SRC: variants seen among roughly 807,000 people sequenced by gnomAD.
SRC encodes the protein SRC proto-oncogene, non-receptor tyrosine kinase.
SRC carries 13 observed loss-of-function variants against 62.9 expected under a neutral mutation model. That is an observed-to-expected ratio of 0.21 (90% CI 0.13 to 0.33). The LOEUF is 0.33. Ranked by LOEUF, SRC falls within the 10% of genes least tolerant of loss-of-function variation. The probability of loss-of-function intolerance (pLI) is 1.00; values close to 1 mark genes in which losing one functional copy is unlikely to be tolerated. For missense variants in SRC, 457 were observed against 737.3 expected, an observed-to-expected ratio of 0.62 and a Z score of 4.40; for synonymous variants, 302 against 317.5, an observed-to-expected ratio of 0.95 and a Z score of 0.52.
chr20:37,399,058 A>T (rs1451105937), intron 9 of SRC, among the ~76,000 whole-genome samples: 3 of 152,220 alleles, frequency 2.0e-5, no homozygotes, highest in Non-Finnish European at 4.4e-5. Flanking sequence ...CCACAGTTAG[A>T]AAAGCAGATA....
Position 37,405,493 on chromosome 20 carries a change from C to T in SRC, c.*2114C>T, listed in dbSNP as rs2070815984. ...GGGCGGAATGCGAGAACAAACTACC[C>T]CTTGAGGGGTCTTTGGGCAGCACTA... On this transcript the variant is annotated 3_prime_UTR_variant, in exon 14 of 14. Coordinates refer to ENST00000373578, the MANE Select transcript of SRC (RefSeq NM_198291.3). 1 of 181,704 alleles carries T rather than the reference C, an allele frequency of 5.5e-6. No individual in the cohort carries two copies. Among genetic ancestry groups the T allele is most frequent in the African/African-American group, 2.4e-5 (1 of 42,444 alleles). The allele number at this position is 181,704 out of a possible 1,614,324, so 11.3% of individuals were successfully genotyped here.
rs192792138 is a variant in SRC, at chr20:37,347,477, G to A, written c.-247+1222G>A. Among the ~76,000 whole-genome samples the A allele has an allele frequency of 1.2e-3, 176 of 152,358 alleles. 1 individual carries two copies. Among genetic ancestry groups the A allele is most frequent in the African/African-American group, 4.1e-3 (169 of 41,580 alleles). On this transcript the variant is annotated intron_variant, in intron 1 of 13. Coordinates refer to ENST00000373578, the MANE Select transcript of SRC (RefSeq NM_198291.3). ...GCTTCTGCAGGTAGAGGCTTGGCGT[G>A]TAGTAGATGCTCAATAAATGAATTG...
rs2070409442 is a variant in SRC, at chr20:37,384,215, C to T, written c.62C>T (p.Ala21Val). 1.9e-6 allele frequency: 3 copies of T among 1,595,872 alleles called. No individual in the cohort carries two copies. The highest frequency in any genetic ancestry group is 4.6e-5 in the East Asian group (2 of 43,166). ...ASQRRRSLEP[A>V]ENVHGAGGGA... Reference sequence around the variant, plus strand: ...CAGCGGCGCCGCAGCCTGGAGCCCGCCGAGAACGTGCACGGCGCTGGCGGG... The same window carrying T: ...CAGCGGCGCCGCAGCCTGGAGCCCGTCGAGAACGTGCACGGCGCTGGCGGG... The change falls in exon 4 of 14, where the codon GCC becomes GTC. Residue 21 changes from alanine (A) to valine (V), a missense_variant. Ala to Val is a moderately conservative substitution (Grantham distance 64). Coordinates refer to ENST00000373578, the MANE Select transcript of SRC (RefSeq NM_198291.3). The surrounding 1 kb of genome is among the most constrained non-coding windows in gnomAD (Gnocchi z 6.7).
In SRC at chr20:37,403,442, G is replaced by C; in HGVS notation, c.*63G>C. ...CTGGGCTGGGTGGCCCCTGTCTCGG[G>C]GCTTGCCCCACTCTGCCTGCCTGCT... is the stretch of plus-strand genomic sequence containing the variant. On this transcript the variant is annotated 3_prime_UTR_variant, in exon 14 of 14. Coordinates refer to ENST00000373578, the MANE Select transcript of SRC (RefSeq NM_198291.3). This position sits in a 1 kb window ranked among gnomAD's most constrained non-coding sequence, Gnocchi z 7.1. 6.7e-7 allele frequency: 1 copy of C among 1,491,002 alleles called. No individual in the cohort carries two copies. The highest frequency in any genetic ancestry group is 9.0e-7 in the Non-Finnish European group (1 of 1,111,936). 92.4% of individuals were successfully genotyped at this position (1,491,002 alleles called of 1,614,324 possible).
At chr20:37,358,249 C>T (rs1229234347) in intron 1 of SRC, among the ~76,000 whole-genome samples, 7 of 152,148 alleles carry the variant, frequency 4.6e-5, no homozygotes, top group South Asian at 2.1e-4. Flanking sequence ...GGATTTTGAT[C>T]GCTGTTGTTT....
chr20:37,389,473 T>C (rs1696823813), intron 5 of SRC, among the ~76,000 whole-genome samples: 1 of 152,178 alleles, frequency 6.6e-6, no homozygotes, highest in Non-Finnish European at 1.5e-5. Context: ...AGACCTGTGC[T>C]GGCTTCACCC....
rs570550700 is a variant in SRC at position 37,360,181 on chromosome 20, A to AAAAAT, written c.-246-5022_-246-5018dup. Among the ~76,000 whole-genome samples, 92 of 151,308 alleles carry AAAAAT rather than the reference A, an allele frequency of 6.1e-4. 2 individuals carry two copies. The South Asian group carries it at 0.019, about 31-fold the overall frequency. On this transcript the variant is annotated intron_variant, in intron 1 of 13. Transcript: ENST00000373578. ...TAGCCATAAAACTAAAGTCCATGTA[A>AAAAAT]AAAATGTGAACAATTTCTTTCTCTT...
chr20:37,392,569 G>A (rs1184618314), intron 5 of SRC, among the ~76,000 whole-genome samples: 2 of 152,164 alleles, frequency 1.3e-5, no homozygotes, highest in East Asian at 1.9e-4. Flanking sequence ...ATTGAGAAGA[G>A]CCCAGCAAGC....
chr20:37,361,846 G>A (rs983052777), intron 1 of SRC, among the ~76,000 whole-genome samples: 4 of 46,404 alleles, frequency 8.6e-5, no homozygotes, highest in Non-Finnish European at 1.6e-4. Flanking sequence ...TAGAGATGCC[G>A]GGGTCTCTGT....
intron 1 of SRC, among the ~76,000 whole-genome samples, chr20:37,364,718 G>T (rs375134585): frequency 6.6e-6 from 1 of 152,046 alleles, no homozygotes; most frequent in African/African-American, 2.4e-5. Context: ...TTCCTCCCTC[G>T]GCCAGCCCAG....
At chr20:37,349,429 G>A (rs2069769299) in intron 1 of SRC, among the ~76,000 whole-genome samples, 2 of 152,186 alleles carry the variant, frequency 1.3e-5, no homozygotes. Context: ...GACAGGCCTG[G>A]GTTTATGTTC....
Position 37,371,283 on chromosome 20 carries a change from C to T in SRC, c.-173+6006C>T, listed in dbSNP as rs570326981. ...TGCTGGGATTACAGGCGTGAGCCAC[C>T]GTGCCCAGCCTATTTCTTCTTATTT... On this transcript the variant is annotated intron_variant, in intron 2 of 13. Coordinates refer to ENST00000373578, the MANE Select transcript of SRC (RefSeq NM_198291.3). 1.9e-3 allele frequency among the ~76,000 whole-genome samples: 294 copies of T among 152,242 alleles called. 1 individual carries two copies. Among genetic ancestry groups the T allele is most frequent in the African/African-American group, 6.6e-3 (273 of 41,562 alleles).
At chr20:37,349,228 G>C (rs565657232) in intron 1 of SRC, among the ~76,000 whole-genome samples, 1 of 152,234 alleles carries the variant, frequency 6.6e-6, no homozygotes, top group Non-Finnish European at 1.5e-5. Flanking sequence ...CAGGTCTCAA[G>C]AGGAGCGGGT....
Position 37,396,993 on chromosome 20 carries a change from G to A in SRC, c.703+682G>A, listed in dbSNP as rs1047168501. On this transcript the variant is annotated intron_variant, in intron 8 of 13. Transcript: ENST00000373578. The surrounding 1 kb of genome is among the most constrained non-coding windows in gnomAD (Gnocchi z 6.1). ...ATCACCCGCCACTCTCTGTCTCTTC[G>A]GCCACCGCTGTGTAGCTCATTCTGA... Among the ~76,000 whole-genome samples the A allele has an allele frequency of 3.9e-5, 6 of 151,968 alleles. No individual in the cohort carries two copies. Among genetic ancestry groups the A allele is most frequent in the Non-Finnish European group, 7.4e-5 (5 of 67,982 alleles).
intron 1 of SRC, among the ~76,000 whole-genome samples, chr20:37,359,667 T>C (rs1272943073): frequency 6.6e-6 from 1 of 151,602 alleles, no homozygotes; most frequent in African/African-American, 2.4e-5. Context: ...AGGGGAAGAA[T>C]GGAGAGAGGA....
rs2070818764 is a variant in SRC at position 37,405,736 on chromosome 20, A to T, written c.*2357A>T. Reference sequence around the variant, plus strand: ...ACATTGGGGAGTGGGTGGGGCTGTCAAGCCTGCCTAGAGGAGATCACAAAT... The same window carrying T: ...ACATTGGGGAGTGGGTGGGGCTGTCTAGCCTGCCTAGAGGAGATCACAAAT... On this transcript the variant is annotated 3_prime_UTR_variant, in exon 14 of 14. Coordinates refer to ENST00000373578, the MANE Select transcript of SRC (RefSeq NM_198291.3). 1 of 153,208 alleles carries T rather than the reference A, an allele frequency of 6.5e-6. No homozygotes were observed. Among genetic ancestry groups the T allele is most frequent in the Non-Finnish European group, 1.5e-5 (1 of 68,612 alleles). 9.5% of individuals were successfully genotyped at this position (153,208 alleles called of 1,614,324 possible). A position where few individuals can be genotyped will look rare whatever the true frequency, so the allele number is the denominator to read the frequency against.
rs1358625311 is a variant in SRC, at chr20:37,381,490, C to G, written c.-172-1129C>G. ...TTTTATTCTAAAGAAAATTCAGGCT[C>G]TTAGATAGTTCTTCCTCCATAAAAA... is the stretch of plus-strand genomic sequence containing the variant. On this transcript the variant is annotated intron_variant, in intron 2 of 13. Coordinates refer to ENST00000373578, the MANE Select transcript of SRC (RefSeq NM_198291.3). Among the ~76,000 whole-genome samples, 4 of 152,186 alleles carry G rather than the reference C, an allele frequency of 2.6e-5. No individual in the cohort carries two copies. The East Asian group carries it at 7.7e-4, about 29-fold the overall frequency.
chr20:37,364,524 T>G (rs996858854), intron 1 of SRC, among the ~76,000 whole-genome samples: 23 of 152,222 alleles, frequency 1.5e-4, no homozygotes, highest in Admixed American at 5.9e-4. Flanking sequence ...CCCTCTGGAC[T>G]TTCTCTTCTC....
At position 37,402,789 on chromosome 20, in the gene SRC, C is replaced by T; in HGVS notation, c.1311C>T (p.Ala437=). ...FPIKWTAPEA[A]LYGRFTIKSD... ...TCAAGTGGACGGCTCCAGAAGCTGCCCTCTATGGCCGCTTCACCATCAAGT... is the reference window on the plus strand; with the variant it reads ...TCAAGTGGACGGCTCCAGAAGCTGCTCTCTATGGCCGCTTCACCATCAAGT... The change falls in exon 13 of 14, where the codon GCC becomes GCT. Residue 437 remains alanine (A), a synonymous_variant. Transcript: ENST00000373578. This position sits in a 1 kb window ranked among gnomAD's most constrained non-coding sequence, Gnocchi z 6.2. 1.2e-6 allele frequency: 2 copies of T among 1,613,896 alleles called. No individual in the cohort carries two copies. The highest frequency in any genetic ancestry group is 1.7e-6 in the Non-Finnish European group (2 of 1,179,906).
Sources: gnomAD v4.1 joint callset for allele counts (sites outside exome capture counted in the v4.1 genomes callset) on GRCh38, gnomAD v4.1.1 for gene constraint, Gnocchi (gnomAD v3.1) non-coding constraint, MANE v1.5 for transcripts, NCBI Gene and HGNC (gene_info 2026-07-23, HGNC 2026-07-21) for gene names.